Variants in ALMS1 observed in about 807,000 individuals in gnomAD.
ALMS1 encodes the protein ALMS1 centrosome and basal body associated protein, also known as centrosome-associated protein ALMS1.
In ALMS1, 271 loss-of-function variants were observed where a neutral mutation model predicts 352.2. That is an observed-to-expected ratio of 0.77 (90% CI 0.70 to 0.85). ALMS1 has a LOEUF of 0.85. Among genes scored for constraint, ALMS1 ranks in the 40% least tolerant of loss-of-function variants. The probability of loss-of-function intolerance (pLI) is 0.00; values close to 1 mark genes in which losing one functional copy is unlikely to be tolerated. For missense variants in ALMS1, 5,445 were observed against 4,870.7 expected, an observed-to-expected ratio of 1.12 and a Z score of -3.51; for synonymous variants, 1,865 against 1,761.2, an observed-to-expected ratio of 1.06 and a Z score of -1.48.
intron 9 of ALMS1, among the ~76,000 whole-genome samples, chr2:73,476,130 T>C (rs1476109741): frequency 6.6e-6 from 1 of 152,096 alleles, no homozygotes; most frequent in African/African-American, 2.4e-5. Context: ...TACCTTATAG[T>C]AGCAGAATCA....
chr2:73,602,725 C>T (rs1675726903), intron 20 of ALMS1, among the ~76,000 whole-genome samples: 2 of 152,166 alleles, frequency 1.3e-5, no homozygotes, highest in African/African-American at 4.8e-5. Context: ...ACACATAGTC[C>T]TTACATCTTG....
intron 2 of ALMS1, among the ~76,000 whole-genome samples, chr2:73,412,565 G>C (rs1671100257): frequency 6.6e-6 from 1 of 152,098 alleles, no homozygotes; most frequent in Non-Finnish European, 1.5e-5. Context: ...CGAAGTGGGT[G>C]GATCACTTGA....
intron 1 of ALMS1, among the ~76,000 whole-genome samples, chr2:73,403,069 G>A (rs1670902892): frequency 6.6e-6 from 1 of 152,006 alleles, no homozygotes; most frequent in Non-Finnish European, 1.5e-5. Context: ...TGCTTTTGTA[G>A]CCTGAGCTTT....
intron 10 of ALMS1, among the ~76,000 whole-genome samples, chr2:73,510,087 C>G (rs1673417734): frequency 6.6e-6 from 1 of 152,178 alleles, no homozygotes; most frequent in Admixed American, 6.5e-5. Context: ...ATGTTCATCT[C>G]TAAACTGGTT....
At chr2:73,527,413 G>C (rs137990039) in intron 11 of ALMS1, among the ~76,000 whole-genome samples, 47 of 152,030 alleles carry the variant, frequency 3.1e-4, no homozygotes, top group African/African-American at 1.1e-3. Context: ...GCTTTTCTTT[G>C]CTGGGAGACT....
intron 12 of ALMS1, among the ~76,000 whole-genome samples, chr2:73,546,939 C>A (rs886538050): frequency 4.6e-5 from 7 of 152,052 alleles, no homozygotes; most frequent in African/African-American, 1.7e-4. Flanking sequence ...GGTAAGGTAG[C>A]CAGACCAGGA....
At position 73,452,093 on chromosome 2, in the gene ALMS1, C is replaced by G. The variant is rs777664567; in HGVS notation, c.5566C>G (p.His1856Asp). ...LPSNSYPQRE[H>D]SVISYEQELP... ...CTCTAATTCCTACCCACAGAGAGAG[C>G]ACTCTGTCATTTCTTATGAGCAGGA... The change falls in exon 8 of 23, where the codon CAC (histidine) becomes GAC (aspartate). Residue 1856 changes from histidine to aspartate, a missense_variant. Transcript: ENST00000613296. 9.9e-6 allele frequency: 16 copies of G among 1,613,902 alleles called. No homozygotes were observed. Among genetic ancestry groups the G allele is most frequent in the Middle Eastern group, 1.6e-4 (1 of 6,062 alleles).
chr2:73,453,053 G>T lies in ALMS1; in HGVS notation c.6526G>T (p.Asp2176Tyr). 1 of 1,613,846 alleles carries T rather than the reference G, an allele frequency of 6.2e-7. No individual in the cohort carries two copies. Among genetic ancestry groups the T allele is most frequent in the South Asian group, 1.1e-5 (1 of 91,058 alleles). ...GATCTCAAGTGCTCTTGGGCAAGCT[G>T]ATCAAATTACCGGATTACAAACAGT... ...LKISSALGQA[D>Y]QITGLQTVPS... The change falls in exon 8 of 23, where the codon GAT (aspartate) becomes TAT (tyrosine). Residue 2176 changes from aspartate to tyrosine, a missense_variant. Asp to Tyr is a radical substitution (Grantham distance 160). Transcript: ENST00000613296.
chr2:73,539,620 A>C (rs1436254493), intron 12 of ALMS1, among the ~76,000 whole-genome samples: 1 of 152,138 alleles, frequency 6.6e-6, no homozygotes, highest in East Asian at 1.9e-4. Context: ...GAAGTTAAAA[A>C]CCTTGAAAAA....
At chr2:73,436,688 C>T (rs1000474472) in intron 7 of ALMS1, among the ~76,000 whole-genome samples, 23 of 152,204 alleles carry the variant, frequency 1.5e-4, no homozygotes, top group African/African-American at 5.5e-4. Context: ...GAATTTTTCA[C>T]TTCAGTTACT....
At chr2:73,470,842 A>G (rs892243872) in intron 9 of ALMS1, 3 of 151,708 alleles carry the variant, frequency 2.0e-5, no homozygotes, top group Non-Finnish European at 4.4e-5. Context: ...TGACTCTTTT[A>G]TCATATGACC....
intron 10 of ALMS1, 46 bp downstream of exon 10, chr2:73,491,544 A>G: frequency 1.9e-6 from 3 of 1,591,008 alleles, no homozygotes; most frequent in Non-Finnish European, 2.6e-6. Flanking sequence ...ACTTTGTAAT[A>G]AAGGGTTTCA....
chr2:73,596,563 C>T (rs1374944040), intron 16 of ALMS1, among the ~76,000 whole-genome samples: 1 of 151,824 alleles, frequency 6.6e-6, no homozygotes, highest in African/African-American at 2.4e-5. Flanking sequence ...CCTTTGCCTC[C>T]TGGGTTCAAG....
At chr2:73,531,107 C>T (rs901815393) in intron 11 of ALMS1, among the ~76,000 whole-genome samples, 1 of 152,276 alleles carries the variant, frequency 6.6e-6, no homozygotes, top group Non-Finnish European at 1.5e-5. Context: ...ATGCAAATTT[C>T]TGCAGCCAGC....
chr2:73,475,135 C>T (rs1672557346), intron 9 of ALMS1, among the ~76,000 whole-genome samples: 3 of 152,060 alleles, frequency 2.0e-5, no homozygotes, highest in South Asian at 4.1e-4. Context: ...TTTGTTTACT[C>T]ATTAGTTGGT....
chr2:73,536,293 G>T (rs1056438442), intron 12 of ALMS1, among the ~76,000 whole-genome samples: 1 of 152,134 alleles, frequency 6.6e-6, no homozygotes, highest in Non-Finnish European at 1.5e-5. Flanking sequence ...TCCTGCTATC[G>T]ATATACGTCA....
At chr2:73,580,976 ACT>A (rs956415031) in intron 16 of ALMS1, among the ~76,000 whole-genome samples, 5 of 152,064 alleles carry the variant, frequency 3.3e-5, no homozygotes, top group African/African-American at 1.2e-4. Flanking sequence ...GCCATTCACA[ACT>A]CTCTGCCTTA....
In ALMS1 at chr2:73,419,254, A is replaced by G. The variant is rs1230938210; in HGVS notation, c.582A>G (p.Ile194Met). Residue 194 changes from isoleucine to methionine, a missense_variant, in exon 3 of 23, where the codon ATA (isoleucine) becomes ATG (methionine). Physicochemically the swap from Ile to Met is conservative, Grantham distance 10. Coordinates refer to ENST00000613296, the MANE Select transcript of ALMS1 (RefSeq NM_001378454.1). Reference sequence around the variant, plus strand: ...ACTTCCCCTCTCTGGAGGAGGGCATATTGACGCAATCAGAAAATCAAGTAA... The same window carrying G: ...ACTTCCCCTCTCTGGAGGAGGGCATGTTGACGCAATCAGAAAATCAAGTAA... ...VTDFPSLEEG[I>M]LTQSENQVKE... 1.2e-6 allele frequency: 2 copies of G among 1,614,086 alleles called. No individual in the cohort carries two copies. The highest frequency in any genetic ancestry group is 1.3e-5 in the African/African-American group (1 of 75,056).
At chr2:73,391,845 G>A (rs938784139) in intron 1 of ALMS1, among the ~76,000 whole-genome samples, 2 of 152,108 alleles carry the variant, frequency 1.3e-5, no homozygotes, top group Admixed American at 1.3e-4. Context: ...AAGTACAAAG[G>A]AATTTTTCTT....
Sources: allele counts gnomAD v4.1 joint callset (sites outside exome capture counted in the v4.1 genomes callset), GRCh38; gene constraint gnomAD v4.1.1; transcripts MANE v1.5; gene names NCBI Gene and HGNC (gene_info 2026-07-23, HGNC 2026-07-21).